Variants in AIRIM observed in about 807,000 individuals in gnomAD.
AIRIM encodes AFG2 interacting ribosome maturation factor.
At chr1:37,689,854 G>A in the AIRIM span, 1 of 1,577,664 alleles carries the variant, frequency 6.3e-7, no homozygotes, top group Non-Finnish European at 8.6e-7. Flanking sequence ...CCTCCTGCAC[G>A]GCAAGCAGAG....
chr1:37,683,597 G>T, the AIRIM span: 1 of 749,680 alleles, frequency 1.3e-6, no homozygotes, highest in Non-Finnish European at 2.1e-6. Context: ...TATTTCCTGA[G>T]CAACTGTTTA....
chr1:37,690,541 ACCTCCCCACAAAG>A, the AIRIM span: 1 of 1,132,656 alleles, frequency 8.8e-7, no homozygotes. Context: ...CTCACACGCG[ACCTCCCCACAAAG>A]CTACTCCGCG....
the AIRIM span, chr1:37,683,487 G>GA: frequency 5.4e-4 from 842 of 1,563,040 alleles, no homozygotes; most frequent in Admixed American, 7.8e-4. Context: ...ATGCTGAAGT[G>GA]AAAAAAAACA....
At chr1:37,684,030 C>G in the AIRIM span, 2 of 152,278 alleles carry the variant, frequency 1.3e-5, no homozygotes, top group African/African-American at 4.8e-5. Flanking sequence ...CTATCAGGAT[C>G]AGAACCAGAC....
chr1:37,689,570 C>A, the AIRIM span: 1 of 1,534,182 alleles, frequency 6.5e-7, no homozygotes. Flanking sequence ...GTTTTAAAAT[C>A]CTTCCACCAA....
the AIRIM span, chr1:37,689,687 G>T: frequency 6.2e-7 from 1 of 1,614,056 alleles, no homozygotes; most frequent in Non-Finnish European, 8.5e-7. Context: ...ATCTGGGAAG[G>T]CCCGAAGCGC....
the AIRIM span, among the ~76,000 whole-genome samples, chr1:37,688,313 G>T: frequency 2.6e-5 from 4 of 152,136 alleles, no homozygotes; most frequent in Non-Finnish European, 5.9e-5. Flanking sequence ...CTCCCAAAGT[G>T]CTGGGATTAC....
the AIRIM span, chr1:37,691,287 CT>C: frequency 5.2e-5 from 8 of 152,422 alleles, no homozygotes; most frequent in African/African-American, 1.9e-4. Context: ...CATCAGGAGC[CT>C]GCTTGGCACC....
chr1:37,683,463 A>C, the AIRIM span: 1 of 1,608,144 alleles, frequency 6.2e-7, no homozygotes, highest in Non-Finnish European at 8.5e-7. Flanking sequence ...GGACTGCTCA[A>C]AAGAAAATGC....
At chr1:37,686,900 T>A in the AIRIM span, among the ~76,000 whole-genome samples, 2 of 151,940 alleles carry the variant, frequency 1.3e-5, no homozygotes, top group African/African-American at 4.8e-5. Flanking sequence ...CCGTCTCTAC[T>A]AAATATACAA....
the AIRIM span, chr1:37,689,736 G>C: frequency 5.0e-6 from 8 of 1,613,924 alleles, no homozygotes; most frequent in African/African-American, 2.7e-5. Context: ...GCGGCCTGCA[G>C]CTGTTCCGCC....
chr1:37,685,400 G>GAC, the AIRIM span, among the ~76,000 whole-genome samples: 1 of 145,900 alleles, frequency 6.9e-6, no homozygotes, highest in Non-Finnish European at 1.5e-5. Context: ...TTTTTTTGGA[G>GAC]ACAGAGTTTC....
chr1:37,690,033 T>C, the AIRIM span: 1 of 1,421,456 alleles, frequency 7.0e-7, no homozygotes, highest in East Asian at 2.5e-5. Context: ...TTTGTTTTTT[T>C]TTCGAGACGG....
chr1:37,681,959 C>T, the AIRIM span: 1 of 152,156 alleles, frequency 6.6e-6, no homozygotes, highest in South Asian at 2.1e-4. Context: ...GGAGCAGTGG[C>T]TCATGCCTGT....
chr1:37,683,430 T>C, the AIRIM span: 1 of 1,613,576 alleles, frequency 6.2e-7, no homozygotes, highest in Non-Finnish European at 8.5e-7. Context: ...TACTTTCTCT[T>C]CAGGTACCTT....
the AIRIM span, chr1:37,689,861 AG>A: frequency 6.3e-7 from 1 of 1,575,440 alleles, no homozygotes; most frequent in African/African-American, 1.4e-5. Flanking sequence ...CACGGCAAGC[AG>A]AGGCCGGTCT....
chr1:37,688,986 A>AAG, the AIRIM span, among the ~76,000 whole-genome samples: 3 of 150,790 alleles, frequency 2.0e-5, no homozygotes, highest in Admixed American at 6.6e-5. Flanking sequence ...AAAAAAAAAA[A>AAG]TCTGTAACGC....
the AIRIM span, among the ~76,000 whole-genome samples, chr1:37,688,062 TC>T: frequency 6.6e-6 from 1 of 151,874 alleles, no homozygotes; most frequent in Non-Finnish European, 1.5e-5. Context: ...GTCATACTTT[TC>T]TCTCTTTTTT....
At chr1:37,685,208 G>T in the AIRIM span, among the ~76,000 whole-genome samples, 1 of 101,002 alleles carries the variant, frequency 9.9e-6, no homozygotes, top group South Asian at 4.5e-4. Context: ...GGGGGGGTGG[G>T]CGGGGGGTGG....
Sources: gnomAD v4.1 joint callset for allele counts (sites outside exome capture counted in the v4.1 genomes callset) on GRCh38, gnomAD v4.1.1 for gene constraint, MANE v1.5 for transcripts, NCBI Gene and HGNC (gene_info 2026-07-23, HGNC 2026-07-21) for gene names.